Variants in ARL13B observed in about 807,000 individuals in gnomAD.
ARL13B encodes the protein ADP-ribosylation factor-like protein 13B.
A neutral mutation model predicts 56.1 loss-of-function variants in ARL13B; 36 were observed. That is an observed-to-expected ratio of 0.64 (90% CI 0.49 to 0.85). The LOEUF is 0.85. Ranked by LOEUF, ARL13B falls within the 40% of genes least tolerant of loss-of-function variation. The pLI, the probability that ARL13B is intolerant of heterozygous loss-of-function variation, is 0.00. For synonymous variants in ARL13B, 178 were observed against 171.1 expected, an observed-to-expected ratio of 1.04 and a Z score of -0.32; for missense variants, 519 against 507.1, an observed-to-expected ratio of 1.02 and a Z score of -0.23.
At chr3:93,993,746 T>G (rs2075917276) in intron 1 of ARL13B, among the ~76,000 whole-genome samples, 1 of 152,218 alleles carries the variant, frequency 6.6e-6, no homozygotes, top group Middle Eastern at 3.2e-3. Flanking sequence ...ATAATAAAAT[T>G]ATATTCTTAG....
At chr3:94,013,504 A>T (rs2076262263) in intron 3 of ARL13B, among the ~76,000 whole-genome samples, 1 of 152,200 alleles carries the variant, frequency 6.6e-6, no homozygotes, top group South Asian at 2.1e-4. Context: ...CCCTGTATGG[A>T]CCCAAGTTCA....
intron 3 of ARL13B, among the ~76,000 whole-genome samples, chr3:94,031,422 A>G (rs1195998627): frequency 6.6e-6 from 1 of 152,188 alleles, no homozygotes; most frequent in Admixed American, 6.5e-5. Context: ...TGAAAAGATC[A>G]AGGCTTCTTG....
chr3:93,989,459 C>T (rs777156189), intron 1 of ARL13B, among the ~76,000 whole-genome samples: 6 of 152,076 alleles, frequency 3.9e-5, no homozygotes, highest in Middle Eastern at 3.4e-3. Context: ...AAGGAATCCT[C>T]GGCATGGCAG....
At chr3:94,005,614 ATAGT>A (rs1414966848) in intron 3 of ARL13B, among the ~76,000 whole-genome samples, 12 of 152,350 alleles carry the variant, frequency 7.9e-5, no homozygotes, top group Non-Finnish European at 1.2e-4. Flanking sequence ...TTATAAACTC[ATAGT>A]TAGTGAGAAT....
At chr3:94,042,513 A>G (rs921846428) in intron 6 of ARL13B, among the ~76,000 whole-genome samples, 3 of 152,210 alleles carry the variant, frequency 2.0e-5, no homozygotes, top group African/African-American at 4.8e-5. Context: ...AGCATTTACT[A>G]TGTGTAAGGC....
At position 94,053,279 on chromosome 3, in the gene ARL13B, G is replaced by A. The variant is rs763512611; in HGVS notation, c.*16G>A. The stretch of plus-strand genomic sequence containing the variant: ...GATCTCATAAACAAGACGTATGGAG[G>A]AGTTCTCTTAATATCAGCAAGGTGA... On this transcript the variant is annotated 3_prime_UTR_variant, in exon 10 of 10. Coordinates refer to ENST00000394222, the MANE Select transcript of ARL13B (RefSeq NM_001174150.2). 20 of 1,609,404 alleles carry A rather than the reference G, an allele frequency of 1.2e-5. No individual in the cohort carries two copies. Among genetic ancestry groups the A allele is most frequent in the Non-Finnish European group, 1.7e-5 (20 of 1,176,408 alleles).
chr3:94,014,759 C>A (rs750438376), intron 3 of ARL13B: 21 of 1,613,536 alleles, frequency 1.3e-5, no homozygotes, highest in Non-Finnish European at 1.8e-5. Flanking sequence ...CCAGCAACTT[C>A]AAGCTGACGT....
intron 2 of ARL13B, among the ~76,000 whole-genome samples, chr3:93,997,030 T>C (rs2075979214): frequency 6.6e-6 from 1 of 152,022 alleles, no homozygotes; most frequent in South Asian, 2.1e-4. Context: ...GTGCTCCTTA[T>C]GAGAATCTAA....
intron 7 of ARL13B, among the ~76,000 whole-genome samples, chr3:94,045,969 A>AAAAAAAAAAAAG (rs2076977111): frequency 4.2e-5 from 5 of 118,194 alleles, no homozygotes; most frequent in Non-Finnish European, 9.4e-5. Context: ...AAAAAAAAAG[A>AAAAAAAAAAAAG]AAAAAAAAAG....
At chr3:93,998,730 G>A (rs1195782924) in intron 2 of ARL13B, among the ~76,000 whole-genome samples, 1 of 152,070 alleles carries the variant, frequency 6.6e-6, no homozygotes, top group African/African-American at 2.4e-5. Context: ...TGCTCTTCCT[G>A]ATACCTACTT....
intron 3 of ARL13B, among the ~76,000 whole-genome samples, chr3:94,015,543 A>G (rs1238478446): frequency 6.6e-6 from 1 of 152,216 alleles, no homozygotes; most frequent in African/African-American, 2.4e-5. Context: ...TGATGCAGAC[A>G]CAGTTGGTCA....
chr3:94,004,089 A>G (rs2076095929), intron 3 of ARL13B, among the ~76,000 whole-genome samples, 181 bp downstream of exon 3: 1 of 152,132 alleles, frequency 6.6e-6, no homozygotes, highest in African/African-American at 2.4e-5. Context: ...TATAGGGGAA[A>G]AGGGCTAAGG....
chr3:94,046,335 A>G (rs2076984235), intron 7 of ARL13B, among the ~76,000 whole-genome samples: 1 of 151,932 alleles, frequency 6.6e-6, no homozygotes, highest in African/African-American at 2.4e-5. Context: ...TATATCATTT[A>G]TATTCATTTA....
At chr3:94,002,151 C>T (rs1411488726) in intron 2 of ARL13B, among the ~76,000 whole-genome samples, 1 of 152,164 alleles carries the variant, frequency 6.6e-6, no homozygotes, top group Non-Finnish European at 1.5e-5. Flanking sequence ...AAATAAGACC[C>T]TCTAAACACC....
chr3:93,989,451 G>A (rs1028183195), intron 1 of ARL13B, among the ~76,000 whole-genome samples: 1 of 152,132 alleles, frequency 6.6e-6, no homozygotes, highest in Admixed American at 6.6e-5. Context: ...CGGCATGGAA[G>A]GAATCCTCGG....
chr3:94,045,247 A>G (rs2076960620), intron 7 of ARL13B, among the ~76,000 whole-genome samples: 3 of 152,260 alleles, frequency 2.0e-5, no homozygotes, highest in South Asian at 2.1e-4. Flanking sequence ...TGAAGGCAGC[A>G]TGCTCATTAA....
At position 93,984,835 on chromosome 3, in the gene ARL13B, C is replaced by G. The variant is rs962951027; in HGVS notation, c.59+4353C>G. ...CAGCCTGGGCAATATAGTGAGACCC[C>G]ATCCGTACAAAAATGTTTTAAAAAA... On this transcript the variant is annotated intron_variant, in intron 1 of 9. Coordinates refer to ENST00000394222, the MANE Select transcript of ARL13B (RefSeq NM_001174150.2). 6.6e-5 allele frequency among the ~76,000 whole-genome samples: 10 copies of G among 152,096 alleles called. No homozygotes were observed. In the East Asian group the frequency reaches 1.2e-3, roughly 18 times the overall value.
chr3:94,019,322 G>A (rs976183288), intron 3 of ARL13B, among the ~76,000 whole-genome samples: 2 of 151,896 alleles, frequency 1.3e-5, no homozygotes, highest in South Asian at 2.1e-4. Context: ...TCAGCCTCCC[G>A]AGTAGCTGGG....
At chr3:93,987,724 C>T (rs1710537206) in intron 1 of ARL13B, among the ~76,000 whole-genome samples, 2 of 152,170 alleles carry the variant, frequency 1.3e-5, no homozygotes, top group African/African-American at 2.4e-5. Context: ...TCACGGCTCA[C>T]TGCAGCCTTG....
Sources: gnomAD v4.1 joint callset for allele counts (sites outside exome capture counted in the v4.1 genomes callset) on GRCh38, gnomAD v4.1.1 for gene constraint, MANE v1.5 for transcripts, NCBI Gene and HGNC (gene_info 2026-07-23, HGNC 2026-07-21) for gene names.